Variants in UPF2 observed in about 807,000 individuals in gnomAD.
UPF2 encodes the protein regulator of nonsense transcripts 2.
In UPF2, 17 loss-of-function variants were observed where a neutral mutation model predicts 141.4. That is an observed-to-expected ratio of 0.12 (90% CI 0.08 to 0.18). The LOEUF (loss-of-function observed/expected upper bound fraction) is 0.18. UPF2 is among the 10% of genes least tolerant of loss of function. The pLI is 1.00. For synonymous variants in UPF2, 540 were observed against 498.0 expected (o/e 1.08, Z -1.12); for missense variants, 1,152 against 1,515.9 (o/e 0.76, Z 3.99).
At chr10:11,946,622 T>C (rs116846976) in intron 16 of UPF2, among the ~76,000 whole-genome samples, 1,844 of 152,338 alleles carry the variant, frequency 0.012, 31 homozygotes, top group Middle Eastern at 0.031. Context: ...CAGTATTCTA[T>C]TCGTATCTTT....
At chr10:11,997,882 T>C (rs950791357) in intron 7 of UPF2, 125 bp from the exon 8 acceptor site, 7 of 937,388 alleles carry the variant, frequency 7.5e-6, no homozygotes, top group African/African-American at 1.7e-5. Flanking sequence ...GAAACTAGTA[T>C]TGTTAGTATC....
intron 4 of UPF2, 75 bp downstream of exon 4, chr10:12,013,949 C>T: frequency 7.5e-7 from 1 of 1,334,622 alleles, no homozygotes; most frequent in African/African-American, 1.5e-5. Flanking sequence ...CTCAATACTG[C>T]ACATCTGATA....
intron 4 of UPF2, among the ~76,000 whole-genome samples, chr10:12,011,525 T>C (rs1296460953): frequency 6.6e-6 from 1 of 152,164 alleles, no homozygotes; most frequent in Non-Finnish European, 1.5e-5. Context: ...TGCTTAAACC[T>C]GGGATGCAGA....
rs1833958862 is a variant in UPF2, at chr10:12,001,903, C to T, written c.1505-78G>A. 2.3e-5 allele frequency: 31 copies of T among 1,329,576 alleles called. 2 individuals are homozygous for T. The South Asian group carries it at 4.8e-4, about 21-fold the overall frequency. 82.4% of individuals were successfully genotyped at this position (1,329,576 alleles called of 1,614,324 possible). A position where few individuals can be genotyped will look rare whatever the true frequency, so the allele number is the denominator to read the frequency against. The stretch of plus-strand genomic sequence containing the variant: ...CTGCACAAAAGTAGATTAAGACTCA[C>T]AAAATCTGCAGGTTCTTTTAGAAGC... On this transcript the variant is annotated intron_variant, in intron 5 of 21. Coordinates refer to ENST00000357604, the MANE Select transcript of UPF2 (RefSeq NM_015542.4).
At chr10:11,978,267 A>C (rs568916415) in intron 9 of UPF2, among the ~76,000 whole-genome samples, 1 of 152,302 alleles carries the variant, frequency 6.6e-6, no homozygotes, top group Admixed American at 6.5e-5. Flanking sequence ...TTGCATTCTG[A>C]GCAACTTATG....
chr10:11,967,545 A>ATTTTT, intron 9 of UPF2, 91 bp from the exon 10 acceptor site: 10 of 389,150 alleles, frequency 2.6e-5, no homozygotes, highest in East Asian at 5.8e-5. Flanking sequence ...AATTCACTCC[A>ATTTTT]GTTTTTTTTT....
In UPF2 at chr10:11,956,995, A is replaced by AT. The variant is rs1375976491; in HGVS notation, c.2371-473dup. Among the ~76,000 whole-genome samples, 2 of 152,060 alleles carry AT rather than the reference A, an allele frequency of 1.3e-5. No homozygotes were observed. Among genetic ancestry groups the AT allele is most frequent in the Non-Finnish European group, 2.9e-5 (2 of 67,990 alleles). On this transcript the variant is annotated intron_variant, in intron 12 of 21. Coordinates refer to ENST00000357604, the MANE Select transcript of UPF2 (RefSeq NM_015542.4). This position sits in a 1 kb window ranked among gnomAD's most constrained non-coding sequence, Gnocchi z 4.2. ...AATAGCATGCCTGGCTAATTTTTAT[A>AT]TTTTTTGTAGAGGCGAGATCTTCCT...
chr10:11,999,394 T>C (rs989133558), intron 7 of UPF2, among the ~76,000 whole-genome samples: 35 of 150,758 alleles, frequency 2.3e-4, no homozygotes, highest in African/African-American at 8.3e-4. Flanking sequence ...GTGCCTGTAA[T>C]CCCAGCTACT....
intron 21 of UPF2, among the ~76,000 whole-genome samples, chr10:11,929,499 T>C (rs1404506709): frequency 6.6e-6 from 1 of 152,104 alleles, no homozygotes; most frequent in African/African-American, 2.4e-5. Flanking sequence ...TAGCCAGGTA[T>C]GGTGGTGCAT....
chr10:11,985,984 A>T (rs1360381715), intron 8 of UPF2, among the ~76,000 whole-genome samples: 3 of 140,974 alleles, frequency 2.1e-5, no homozygotes, highest in Non-Finnish European at 4.5e-5. Flanking sequence ...TCCCGGGTTC[A>T]CGCCATTCTC....
chr10:11,999,809 T>C, intron 7 of UPF2, 97 bp downstream of exon 7: 2 of 986,770 alleles, frequency 2.0e-6, no homozygotes, highest in East Asian at 2.4e-5. Flanking sequence ...ATGGTGGACT[T>C]TGTAGCTCAA....
In UPF2 at chr10:11,931,143, G is replaced by A. The variant is rs148206610; in HGVS notation, c.3688+498C>T. On this transcript the variant is annotated intron_variant, in intron 20 of 21. Transcript: ENST00000357604. The surrounding 1 kb of genome is among the most constrained non-coding windows in gnomAD (Gnocchi z 5.9). ...AAGGAGGTAAATACAGTCGTGTGCC[G>A]CGTGACCATGTTCCAGACAATGACA... is the stretch of plus-strand genomic sequence containing the variant. Among the ~76,000 whole-genome samples the A allele has an allele frequency of 1.5e-3, 228 of 152,258 alleles. No individual in the cohort carries two copies. Among genetic ancestry groups the A allele is most frequent in the African/African-American group, 5.2e-3 (218 of 41,554 alleles).
At chr10:11,937,659 A>G (rs748416901) in intron 18 of UPF2, among the ~76,000 whole-genome samples, 1 of 152,170 alleles carries the variant, frequency 6.6e-6, no homozygotes, top group Non-Finnish European at 1.5e-5. Flanking sequence ...AGCAGCAAAG[A>G]GGGACGAGCT....
rs1044230500 is a variant in UPF2, at chr10:11,935,790, T to C, written c.3546+755A>G. 2.6e-5 allele frequency among the ~76,000 whole-genome samples: 4 copies of C among 152,158 alleles called. No homozygotes were observed. Among genetic ancestry groups the C allele is most frequent in the African/African-American group, 7.2e-5 (3 of 41,450 alleles). ...AAATAGAATAGTACCTGGCACGTAG[T>C]GATGCTCAATAGTTGACAAATCAAC... On this transcript the variant is annotated intron_variant, in intron 19 of 21. Transcript: ENST00000357604. This position sits in a 1 kb window ranked among gnomAD's most constrained non-coding sequence, Gnocchi z 4.9.
At chr10:12,013,198 G>C (rs1376910617) in intron 4 of UPF2, among the ~76,000 whole-genome samples, 1 of 151,136 alleles carries the variant, frequency 6.6e-6, no homozygotes, top group African/African-American at 2.4e-5. Flanking sequence ...GTATACAATA[G>C]GTATTTCTTA....
chr10:11,995,053 C>T (rs1205536925), intron 8 of UPF2, among the ~76,000 whole-genome samples: 1 of 146,334 alleles, frequency 6.8e-6, no homozygotes, highest in African/African-American at 2.5e-5. Flanking sequence ...AACCAACAAT[C>T]GGAATATGAT....
At chr10:12,008,722 A>G (rs111994874) in intron 4 of UPF2, among the ~76,000 whole-genome samples, 14 of 151,796 alleles carry the variant, frequency 9.2e-5, no homozygotes, top group African/African-American at 3.4e-4. Flanking sequence ...CATGTGCAGA[A>G]TGTGCAGGTG....
chr10:11,922,403 G>A (rs571050173), intron 21 of UPF2, among the ~76,000 whole-genome samples: 11 of 152,282 alleles, frequency 7.2e-5, no homozygotes, highest in African/African-American at 2.2e-4. Context: ...GATAAGATCC[G>A]TAACTCTTCC....
At chr10:11,950,397 C>A (rs992617864) in intron 15 of UPF2, among the ~76,000 whole-genome samples, 1 of 152,206 alleles carries the variant, frequency 6.6e-6, no homozygotes, top group African/African-American at 2.4e-5. Context: ...CATACGTCTT[C>A]TTCCTCAACC....
Sources: gnomAD v4.1 joint callset for allele counts (sites outside exome capture counted in the v4.1 genomes callset) on GRCh38, gnomAD v4.1.1 for gene constraint, Gnocchi (gnomAD v3.1) non-coding constraint, MANE v1.5 for transcripts, NCBI Gene and HGNC (gene_info 2026-07-23, HGNC 2026-07-21) for gene names.